The following NCOA2 variants were observed in gnomAD, a reference collection of about 807,000 sequenced individuals.
The protein encoded by NCOA2 is nuclear receptor coactivator 2, also known as class E basic helix-loop-helix protein 75.
A neutral mutation model predicts 145.1 loss-of-function variants in NCOA2; 21 were observed. The observed-to-expected ratio is 0.14, with a 90% CI of 0.10 to 0.21. NCOA2 has a LOEUF of 0.21. Among genes scored for constraint, NCOA2 ranks in the 10% least tolerant of loss-of-function variants. The probability of loss-of-function intolerance (pLI) is 1.00; values close to 1 mark genes in which losing one functional copy is unlikely to be tolerated. For missense variants in NCOA2, 1,472 were observed against 1,837.6 expected (o/e 0.80, Z 3.64); for synonymous variants, 619 against 637.5 (o/e 0.97, Z 0.44).
At chr8:70,204,935 G>A (rs1273642642) in intron 4 of NCOA2, among the ~76,000 whole-genome samples, 1 of 152,188 alleles carries the variant, frequency 6.6e-6, no homozygotes, top group African/African-American at 2.4e-5. Context: ...TTGAACCCGG[G>A]AGGCAGAGGT....
chr8:70,150,073 T>G (rs551731277), intron 11 of NCOA2, among the ~76,000 whole-genome samples: 79 of 152,336 alleles, frequency 5.2e-4, no homozygotes, highest in African/African-American at 1.9e-3. Context: ...TTAGGAAGAA[T>G]AGAATGAAGT....
chr8:70,240,396 G>A (rs925533156), intron 2 of NCOA2, among the ~76,000 whole-genome samples: 13 of 152,038 alleles, frequency 8.6e-5, no homozygotes, highest in African/African-American at 2.9e-4. Context: ...GAAACACTTG[G>A]CCCATTGTAG....
chr8:70,218,897 TC>T (rs888724315), intron 2 of NCOA2, among the ~76,000 whole-genome samples: 8 of 151,860 alleles, frequency 5.3e-5, no homozygotes, highest in African/African-American at 1.9e-4. Flanking sequence ...AAATGGCTAT[TC>T]CCCCCCTCAA....
intron 2 of NCOA2, among the ~76,000 whole-genome samples, chr8:70,271,025 C>T (rs1189304011): frequency 1.3e-5 from 2 of 152,168 alleles, no homozygotes; most frequent in Non-Finnish European, 2.9e-5. Context: ...CTTTAGAATG[C>T]TAACTTTGTT....
intron 4 of NCOA2, among the ~76,000 whole-genome samples, chr8:70,182,463 G>A (rs1197377709): frequency 6.6e-6 from 1 of 152,144 alleles, no homozygotes; most frequent in Non-Finnish European, 1.5e-5. Context: ...GAAATACACA[G>A]GCCTACTTTT....
intron 4 of NCOA2, among the ~76,000 whole-genome samples, chr8:70,211,132 T>G (rs1296754539): frequency 6.6e-6 from 1 of 152,158 alleles, no homozygotes; most frequent in Non-Finnish European, 1.5e-5. Context: ...ACGCATGGGT[T>G]GCACAGATTT....
intron 2 of NCOA2, among the ~76,000 whole-genome samples, chr8:70,256,902 C>A (rs1342404370): frequency 2.0e-5 from 3 of 152,174 alleles, no homozygotes; most frequent in Admixed American, 6.5e-5. Flanking sequence ...GTTTCATCCT[C>A]CCCTTTTAGA....
At chr8:70,226,780 A>G (rs1586173252) in intron 2 of NCOA2, among the ~76,000 whole-genome samples, 2 of 151,880 alleles carry the variant, frequency 1.3e-5, no homozygotes, top group South Asian at 4.2e-4. Context: ...AGCATATCAT[A>G]TGTTCTTTAA....
the NCOA2 span, among the ~76,000 whole-genome samples, chr8:70,437,636 G>A: frequency 6.6e-6 from 1 of 152,180 alleles, no homozygotes; most frequent in Non-Finnish European, 1.5e-5. Flanking sequence ...ATACATTCAT[G>A]GATAGATTTC....
chr8:70,333,546 C>T (rs1288323195), intron 1 of NCOA2, among the ~76,000 whole-genome samples: 2 of 152,214 alleles, frequency 1.3e-5, no homozygotes, highest in African/African-American at 2.4e-5. Flanking sequence ...GACATGAATA[C>T]ACATCAGCAG....
In NCOA2 at chr8:70,156,930, G is replaced by T; in HGVS notation, c.1435C>A (p.Pro479Thr). 6.2e-7 allele frequency: 1 copy of T among 1,614,052 alleles called. No individual in the cohort carries two copies. Among genetic ancestry groups the T allele is most frequent in the Non-Finnish European group, 8.5e-7 (1 of 1,179,898 alleles). Reference protein sequence around the residue: ...SPSQSSPGMNPGQPTSMLSPR... With the variant: ...SPSQSSPGMNTGQPTSMLSPR... ...GAAAGCATGGAGGTGGGCTGTCCTG[G>T]ATTCATGCCAGGGCTGCTTTGTGAG... The change falls in exon 11 of 23, where the codon CCA (proline) becomes ACA (threonine). Residue 479 changes from proline (P) to threonine (T), a missense_variant. Around this residue, in one of 4 missense-constraint regions of NCOA2, gnomAD observed 953 missense variants for 1,062.1 expected, o/e 0.90. Coordinates refer to ENST00000452400, the MANE Select transcript of NCOA2 (RefSeq NM_006540.4).
intron 1 of NCOA2, among the ~76,000 whole-genome samples, chr8:70,331,229 A>G (rs1807068287): frequency 6.6e-6 from 1 of 152,186 alleles, no homozygotes; most frequent in South Asian, 2.1e-4. Flanking sequence ...CATTTCTGGC[A>G]CATAGAAACA....
chr8:70,162,563 T>G, intron 9 of NCOA2, 148 bp downstream of exon 9: 2 of 721,292 alleles, frequency 2.8e-6, no homozygotes, highest in East Asian at 5.7e-5. Flanking sequence ...TCCTGTTAAA[T>G]TTTCCTTTAG....
chr8:70,363,059 C>T (rs958687347), intron 1 of NCOA2, among the ~76,000 whole-genome samples: 2 of 115,022 alleles, frequency 1.7e-5, no homozygotes, highest in Non-Finnish European at 3.4e-5. Flanking sequence ...AGCTGGTTGA[C>T]AGAGTTAAGA....
chr8:70,127,897 A>AT (rs2131491171), intron 18 of NCOA2, among the ~76,000 whole-genome samples: 1 of 152,152 alleles, frequency 6.6e-6, no homozygotes, highest in Non-Finnish European at 1.5e-5. Context: ...AGATTTTTGC[A>AT]TTTTTTGCTT....
intron 4 of NCOA2, among the ~76,000 whole-genome samples, chr8:70,209,982 G>A (rs1357582473): frequency 6.6e-6 from 1 of 152,104 alleles, no homozygotes; most frequent in Non-Finnish European, 1.5e-5. Flanking sequence ...CATGACTCCT[G>A]TTTCTAAGTT....
At chr8:70,300,781 T>A (rs115687681) in intron 1 of NCOA2, among the ~76,000 whole-genome samples, 1,835 of 152,328 alleles carry the variant, frequency 0.012, 50 homozygotes, top group African/African-American at 0.042. Flanking sequence ...TAATAAGAGA[T>A]GTGCCATACT....
At chr8:70,279,892 T>A (rs1030008095) in intron 2 of NCOA2, among the ~76,000 whole-genome samples, 1 of 152,184 alleles carries the variant, frequency 6.6e-6, no homozygotes, top group African/African-American at 2.4e-5. Flanking sequence ...CCTGATGACA[T>A]CACTTAATTC....
In NCOA2 at chr8:70,361,166, C is replaced by G. The variant is rs972420354; in HGVS notation, c.-77+42534G>C. On this transcript the variant is annotated intron_variant, in intron 1 of 22. Coordinates refer to ENST00000452400, the MANE Select transcript of NCOA2 (RefSeq NM_006540.4). ...TATCATTTTATAATACTAGCTTCTT[C>G]AAAACAAAACTGTCTCTACAGAGCA... is the stretch of plus-strand genomic sequence containing the variant. Among the ~76,000 whole-genome samples the G allele has an allele frequency of 1.1e-4, 16 of 152,182 alleles. No individual in the cohort carries two copies. In the Middle Eastern group the frequency reaches 0.02, roughly 194 times the overall value.
Sources: allele counts gnomAD v4.1 joint callset (sites outside exome capture counted in the v4.1 genomes callset), GRCh38; gene constraint gnomAD v4.1.1; regional missense constraint gnomAD v4.1.1; transcripts MANE v1.5; gene names NCBI Gene and HGNC (gene_info 2026-07-23, HGNC 2026-07-21).